KYAT3: variants seen among roughly 807,000 people sequenced by gnomAD.
The protein encoded by KYAT3 is kynurenine--oxoglutarate transaminase 3.
Under a neutral mutation model 59.0 loss-of-function variants are expected in KYAT3, and 50 were observed. The observed-to-expected ratio is 0.85, with a 90% CI of 0.68 to 1.07. The LOEUF is 1.07. KYAT3 is among the 50% of genes least tolerant of loss of function. The probability of loss-of-function intolerance (pLI) is 0.00; values close to 1 mark genes in which losing one functional copy is unlikely to be tolerated. For synonymous variants in KYAT3, 148 were observed against 177.0 expected, an observed-to-expected ratio of 0.84 and a Z score of 1.30; for missense variants, 497 against 533.3, an observed-to-expected ratio of 0.93 and a Z score of 0.67.
Position 88,962,163 on chromosome 1 carries a change from A to C in KYAT3, c.454-18T>G. On this transcript the variant is annotated intron_variant, in intron 5 of 13. Coordinates refer to ENST00000260508, the MANE Select transcript of KYAT3 (RefSeq NM_001008661.3). ...AGTATGACCTGCAATAAAAGCAAATAAGATCACAACCTGTCAATCATTTAT... is the reference window on the plus strand; with the variant it reads ...AGTATGACCTGCAATAAAAGCAAATCAGATCACAACCTGTCAATCATTTAT... 1.3e-6 allele frequency: 2 copies of C among 1,538,958 alleles called. No individual in the cohort carries two copies. The highest frequency in any genetic ancestry group is 1.1e-5 in the South Asian group (1 of 89,582).
downstream of KYAT3, among the ~76,000 whole-genome samples, chr1:88,934,989 A>ATTTTTT (rs59691903): frequency 5.4e-5 from 6 of 110,092 alleles, no homozygotes; most frequent in Non-Finnish European, 9.0e-5. Context: ...TAAAGAAGTG[A>ATTTTTT]TTTTTTTTTT....
At chr1:88,945,157 G>GT (rs11391031) in intron 11 of KYAT3, among the ~76,000 whole-genome samples, 20,494 of 151,994 alleles carry the variant, frequency 0.13, 1,549 homozygotes, top group African/African-American at 0.2. Flanking sequence ...AAAAAGTAAC[G>GT]TAATACCATG....
At chr1:88,953,648 A>C (rs927187379) in intron 9 of KYAT3, among the ~76,000 whole-genome samples, 8 of 151,918 alleles carry the variant, frequency 5.3e-5, no homozygotes, top group Non-Finnish European at 1.0e-4. Context: ...TTCCAAATGG[A>C]GTCATTAAAC....
In KYAT3 at chr1:88,984,345, G is replaced by C. The variant is rs187435408; in HGVS notation, c.99+3907C>G. On this transcript the variant is annotated intron_variant, in intron 2 of 13. Coordinates refer to ENST00000260508, the MANE Select transcript of KYAT3 (RefSeq NM_001008661.3). ...TTCTTGTGCCTCAGCCACCTGAGTA[G>C]CTTGGATTACCGGCATGCGCCACCA... Among the ~76,000 whole-genome samples the C allele has an allele frequency of 2.5e-3, 382 of 151,310 alleles. 1 individual carries two copies. The highest frequency in any genetic ancestry group is 4.5e-3 in the Non-Finnish European group (303 of 67,880).
intron 6 of KYAT3, 85 bp from the exon 7 acceptor site, chr1:88,961,591 AC>A: frequency 8.3e-7 from 1 of 1,206,656 alleles, no homozygotes. Flanking sequence ...AAGGAAAAAA[AC>A]ATCAAAGAAA....
intron 10 of KYAT3, among the ~76,000 whole-genome samples, chr1:88,949,803 G>A (rs541982617): frequency 6.6e-6 from 1 of 152,304 alleles, no homozygotes; most frequent in East Asian, 1.9e-4. Context: ...CTAGAAATGA[G>A]TTTCTGGAAC....
At chr1:88,985,603 A>C (rs1677405758) in intron 2 of KYAT3, among the ~76,000 whole-genome samples, 1 of 152,248 alleles carries the variant, frequency 6.6e-6, no homozygotes, top group Non-Finnish European at 1.5e-5. Context: ...TAGTGTGTGA[A>C]GTAGGCAGGT....
chr1:88,956,038 C>T (rs1238586872), intron 8 of KYAT3, among the ~76,000 whole-genome samples: 1 of 152,128 alleles, frequency 6.6e-6, no homozygotes, highest in African/African-American at 2.4e-5. Context: ...TACCTTTTAG[C>T]TATCACTCTT....
chr1:88,990,275 C>CAT (rs1677706518), intron 1 of KYAT3, among the ~76,000 whole-genome samples: 1 of 150,914 alleles, frequency 6.6e-6, no homozygotes, highest in Non-Finnish European at 1.5e-5. Context: ...GGTTAAAAAA[C>CAT]ATAAAAAACA....
chr1:88,965,804 T>G (rs1044190570), intron 4 of KYAT3, among the ~76,000 whole-genome samples: 6 of 152,176 alleles, frequency 3.9e-5, no homozygotes. Context: ...AGAGTAAGAG[T>G]GCAAGTGCAG....
Position 88,943,391 on chromosome 1 carries a change from G to T in KYAT3, c.1174C>A (p.Pro392Thr). 6.3e-7 allele frequency: 1 copy of T among 1,586,486 alleles called. No homozygotes were observed. Among genetic ancestry groups the T allele is most frequent in the Non-Finnish European group, 8.6e-7 (1 of 1,164,676 alleles). The change falls in exon 12 of 14, where the codon CCT (proline) becomes ACT (threonine). Residue 392 changes from proline to threonine, a missense_variant. Pro to Thr is a conservative substitution (Grantham distance 38). This residue lies in a region of KYAT3 where 469 missense variants were observed against 479.1 expected (regional missense o/e 0.98). Coordinates refer to ENST00000260508, the MANE Select transcript of KYAT3 (RefSeq NM_001008661.3). ...CATTTCACAAACTTATAGTCATAAG[G>T]CTCATTATTCTTCATATCAGAGAGG... ...PDLSDMKNNE[P>T]YDYKFVKWMT...
Position 88,978,124 on chromosome 1 carries a change from A to G in KYAT3, c.100-8657T>C, listed in dbSNP as rs1354910062. ...TAATATACACATGTATGTATATGTT[A>G]TGTATATTTTGATGTTCCAACCATC... is the stretch of plus-strand genomic sequence containing the variant. On this transcript the variant is annotated intron_variant, in intron 2 of 13. Transcript: ENST00000260508. Among the ~76,000 whole-genome samples the G allele has an allele frequency of 9.2e-5, 14 of 152,090 alleles. No individual in the cohort carries two copies. In the South Asian group the frequency reaches 2.5e-3, roughly 27 times the overall value.
downstream of KYAT3, among the ~76,000 whole-genome samples, chr1:88,934,814 T>C (rs1674979956): frequency 6.6e-6 from 1 of 152,154 alleles, no homozygotes; most frequent in Admixed American, 6.6e-5. Context: ...CAAACTTTCA[T>C]GTGTGTAAGT....
Position 88,962,076 on chromosome 1 carries a change from A to G in KYAT3, c.523T>C (p.Phe175Leu). The change falls in exon 6 of 14, where the codon TTT becomes CTT. Residue 175 changes from phenylalanine to leucine, a missense_variant. By Grantham distance (22) the Phe-to-Leu change is conservative. Coordinates refer to ENST00000260508, the MANE Select transcript of KYAT3 (RefSeq NM_001008661.3). ...MVRMAGATPVFIPLRSKPVYG... is the reference protein window; with the variant it reads ...MVRMAGATPVLIPLRSKPVYG... Reference sequence around the variant, plus strand: ...AAACTTACAGATCTCAGGGGAATAAAAACAGGTGTTGCTCCAGCCATTCTC... The same window carrying G: ...AAACTTACAGATCTCAGGGGAATAAGAACAGGTGTTGCTCCAGCCATTCTC... 6.2e-7 allele frequency: 1 copy of G among 1,613,828 alleles called. No homozygotes were observed. The highest frequency in any genetic ancestry group is 8.5e-7 in the Non-Finnish European group (1 of 1,179,718).
intron 1 of KYAT3, among the ~76,000 whole-genome samples, chr1:88,992,041 C>G (rs887066831): frequency 2.0e-5 from 3 of 150,766 alleles, no homozygotes; most frequent in Non-Finnish European, 4.4e-5. Context: ...TGCAGTGGCC[C>G]GATCTCGGCT....
intron 8 of KYAT3, among the ~76,000 whole-genome samples, chr1:88,958,945 C>G (rs1029696643): frequency 6.6e-6 from 1 of 152,168 alleles, no homozygotes; most frequent in Non-Finnish European, 1.5e-5. Context: ...CCCTAGTTTT[C>G]CACCCTGATC....
At chr1:88,953,905 C>T (rs866609651) in intron 9 of KYAT3, among the ~76,000 whole-genome samples, 3,953 of 141,020 alleles carry the variant, frequency 0.028, 190 homozygotes, top group African/African-American at 0.096. Context: ...TCTTCTTCTT[C>T]TTTTTTTTTT....
the KYAT3 span, among the ~76,000 whole-genome samples, chr1:88,921,277 G>T: frequency 6.6e-6 from 1 of 152,290 alleles, no homozygotes; most frequent in East Asian, 1.9e-4. Context: ...AGGACAAAAA[G>T]GATTAAAAAG....
intron 11 of KYAT3, among the ~76,000 whole-genome samples, chr1:88,945,492 T>C (rs1675405129): frequency 6.6e-6 from 1 of 152,242 alleles, no homozygotes; most frequent in Admixed American, 6.5e-5. Flanking sequence ...ATTAGTTGAT[T>C]AACTTCAGTA....
Sources: allele counts gnomAD v4.1 joint callset (sites outside exome capture counted in the v4.1 genomes callset), GRCh38; gene constraint gnomAD v4.1.1; regional missense constraint gnomAD v4.1.1; transcripts MANE v1.5; gene names NCBI Gene and HGNC (gene_info 2026-07-23, HGNC 2026-07-21).